The following CELF2 variants were observed in gnomAD, a reference collection of about 807,000 sequenced individuals.
The protein encoded by CELF2 is CUGBP Elav-like family member 2.
CELF2 carries 8 observed loss-of-function variants against 62.6 expected under a neutral mutation model. That is an observed-to-expected ratio of 0.13 (90% confidence interval 0.07 to 0.23). CELF2 has a LOEUF of 0.23. Ranked by LOEUF, CELF2 falls within the 10% of genes least tolerant of loss-of-function variation. The probability of loss-of-function intolerance (pLI) is 1.00; values close to 1 mark genes in which losing one functional copy is unlikely to be tolerated. For synonymous variants in CELF2, 258 were observed against 250.0 expected (o/e 1.03, Z -0.30); for missense variants, 333 against 671.0 (o/e 0.50, Z 5.56).
chr10:11,260,755 C>A lies in CELF2; in HGVS notation c.538+2883C>A, dbSNP rs995235505. On this transcript the variant is annotated intron_variant, in intron 5 of 12. Transcript: ENST00000633077. The surrounding 1 kb of genome is among the most constrained non-coding windows in gnomAD (Gnocchi z 4.2). ...AAAGAAAGAAAATACTCATTTATAA[C>A]CATTTATCCTGAGAACTGAAGACAG... Among the ~76,000 whole-genome samples, 12 of 151,928 alleles carry A rather than the reference C, an allele frequency of 7.9e-5. No homozygotes were observed. Among genetic ancestry groups the A allele is most frequent in the Admixed American group, 5.2e-4 (8 of 15,264 alleles).
At position 11,318,931 on chromosome 10, in the gene CELF2, A is replaced by C. The variant is rs1471518711; in HGVS notation, c.1097-2258A>C. ...CTGAAAACTCCCACCCGCAGCAGAC[A>C]AGGCATCATGGTGGTGCGATGCTGC... On this transcript the variant is annotated intron_variant, in intron 10 of 12. Coordinates refer to ENST00000633077, the MANE Select transcript of CELF2 (RefSeq NM_001326342.2). The surrounding 1 kb of genome is among the most constrained non-coding windows in gnomAD (Gnocchi z 5.4). 1 of 471,142 alleles carries C rather than the reference A, an allele frequency of 2.1e-6. No individual in the cohort carries two copies. 29.2% of individuals were successfully genotyped at this position (471,142 alleles called of 1,614,324 possible).
At chr10:11,125,538 G>A (rs1484353747) in intron 1 of CELF2, among the ~76,000 whole-genome samples, 2 of 152,044 alleles carry the variant, frequency 1.3e-5, no homozygotes, top group Non-Finnish European at 2.9e-5. Context: ...TCTCTCTTGA[G>A]GGGATTAAGT....
rs140470469 is a variant in CELF2, at chr10:11,302,665, G to A, written c.977-11474G>A. ...CTGGTCATTTAGGATCGAGTTGGGTGTACTTGGTGTGGCAGCTGCTGTGTA... is the reference window on the plus strand; with the variant it reads ...CTGGTCATTTAGGATCGAGTTGGGTATACTTGGTGTGGCAGCTGCTGTGTA... On this transcript the variant is annotated intron_variant, in intron 9 of 12. Coordinates refer to ENST00000633077, the MANE Select transcript of CELF2 (RefSeq NM_001326342.2). The surrounding 1 kb of genome is among the most constrained non-coding windows in gnomAD (Gnocchi z 5.0). Among the ~76,000 whole-genome samples the A allele has an allele frequency of 2.1e-3, 320 of 152,330 alleles. 5 individuals are homozygous for A. Among genetic ancestry groups the A allele is most frequent in the African/African-American group, 7.4e-3 (306 of 41,572 alleles).
the CELF2 span, among the ~76,000 whole-genome samples, chr10:10,467,175 A>C: frequency 6.6e-6 from 1 of 152,020 alleles, no homozygotes; most frequent in Non-Finnish European, 1.5e-5. Context: ...AAATGCTAAG[A>C]TTTTTCTCCT....
intron 1 of CELF2, among the ~76,000 whole-genome samples, chr10:10,853,518 C>T (rs11256871): frequency 0.015 from 2,342 of 152,134 alleles, 74 homozygotes; most frequent in African/African-American, 0.054. Context: ...GGAAACATAA[C>T]TACACTCGTA....
intron 1 of CELF2, among the ~76,000 whole-genome samples, chr10:11,035,102 G>A (rs757545949): frequency 3.3e-5 from 5 of 152,098 alleles, no homozygotes; most frequent in Non-Finnish European, 4.4e-5. Flanking sequence ...CCTTATCACC[G>A]CCTTTCTTAA....
chr10:10,999,960 A>C (rs1273046168), intron 2 of CELF2, among the ~76,000 whole-genome samples: 1 of 152,200 alleles, frequency 6.6e-6, no homozygotes, highest in Non-Finnish European at 1.5e-5. Flanking sequence ...CTCCTCTAAA[A>C]ATAGCAAGAA....
chr10:10,697,518 T>G, the CELF2 span, among the ~76,000 whole-genome samples: 1 of 152,142 alleles, frequency 6.6e-6, no homozygotes, highest in Non-Finnish European at 1.5e-5. Context: ...ACTCGGGGTC[T>G]CCTAAGCAAT....
the CELF2 span, among the ~76,000 whole-genome samples, chr10:10,691,019 ATTATAC>A: frequency 6.6e-6 from 1 of 151,596 alleles, no homozygotes; most frequent in Non-Finnish European, 1.5e-5. Flanking sequence ...TTTTTTTATT[ATTATAC>A]TTTAAGTTTT....
At chr10:10,711,678 T>C in the CELF2 span, among the ~76,000 whole-genome samples, 6 of 152,148 alleles carry the variant, frequency 3.9e-5, no homozygotes, top group Admixed American at 6.5e-5. Context: ...GGTCAGCAGT[T>C]TGAGACCAGC....
At chr10:10,590,327 T>C in the CELF2 span, among the ~76,000 whole-genome samples, 2 of 152,230 alleles carry the variant, frequency 1.3e-5, no homozygotes, top group African/African-American at 4.8e-5. Flanking sequence ...ATTTTAGCCA[T>C]TATTTTTTAA....
chr10:10,806,064 T>A (rs762578934), intron 1 of CELF2, among the ~76,000 whole-genome samples: 1 of 152,160 alleles, frequency 6.6e-6, no homozygotes, highest in African/African-American at 2.4e-5. Flanking sequence ...CTTTAGATGG[T>A]GAAGTGAGAA....
chr10:10,533,402 T>A, the CELF2 span, among the ~76,000 whole-genome samples: 1 of 152,212 alleles, frequency 6.6e-6, no homozygotes, highest in Non-Finnish European at 1.5e-5. Flanking sequence ...CTTTTAATGA[T>A]CATTATGGAG....
At chr10:11,099,888 A>AC (rs763738086) in intron 1 of CELF2, among the ~76,000 whole-genome samples, 7,577 of 115,266 alleles carry the variant, frequency 0.066, 221 homozygotes, top group African/African-American at 0.13. Flanking sequence ...CAACAACAAA[A>AC]AAAAAAAAAA....
chr10:10,576,033 A>T, the CELF2 span, among the ~76,000 whole-genome samples: 1 of 152,192 alleles, frequency 6.6e-6, no homozygotes, highest in Admixed American at 6.5e-5. Context: ...AAGGTTTTGC[A>T]TTCAGAATCT....
chr10:10,481,792 A>G, the CELF2 span, among the ~76,000 whole-genome samples: 2 of 152,150 alleles, frequency 1.3e-5, no homozygotes, highest in South Asian at 2.1e-4. Context: ...CTGTAGTTTG[A>G]GGGAAATCAT....
intron 9 of CELF2, among the ~76,000 whole-genome samples, chr10:11,295,494 G>A (rs1161047675): frequency 6.6e-6 from 1 of 152,188 alleles, no homozygotes; most frequent in Non-Finnish European, 1.5e-5. Context: ...ACCAAGAGTG[G>A]GAGAGGGAAG....
At chr10:10,709,478 A>C in the CELF2 span, among the ~76,000 whole-genome samples, 1 of 152,168 alleles carries the variant, frequency 6.6e-6, no homozygotes, top group Non-Finnish European at 1.5e-5. Context: ...TGAAGCTTGC[A>C]AAATTGATGT....
At chr10:10,604,599 C>T in the CELF2 span, among the ~76,000 whole-genome samples, 4 of 152,154 alleles carry the variant, frequency 2.6e-5, 1 homozygote, top group East Asian at 5.8e-4. Context: ...AGCTGTTTTT[C>T]CTACAAGAAG....
Sources: gnomAD v4.1 joint callset for allele counts (sites outside exome capture counted in the v4.1 genomes callset) on GRCh38, gnomAD v4.1.1 for gene constraint, Gnocchi (gnomAD v3.1) non-coding constraint, MANE v1.5 for transcripts, NCBI Gene and HGNC (gene_info 2026-07-23, HGNC 2026-07-21) for gene names.